PRKG1: variants seen among roughly 807,000 people sequenced by gnomAD.
PRKG1 encodes protein kinase cGMP-dependent 1, also known as cGMP-dependent protein kinase 1.
Under a neutral mutation model 88.1 loss-of-function variants are expected in PRKG1, and 35 were observed. The observed-to-expected ratio is 0.40, with a 90% CI of 0.30 to 0.53. The LOEUF (loss-of-function observed/expected upper bound fraction) is 0.53. Ranked by LOEUF, PRKG1 falls within the 20% of genes least tolerant of loss-of-function variation. PRKG1 has a pLI of 0.59. For missense variants in PRKG1, 540 were observed against 839.8 expected (o/e 0.64, Z 4.41); for synonymous variants, 303 against 292.5 (o/e 1.04, Z -0.37).
At chr10:51,854,674 A>G (rs1937706) in intron 4 of PRKG1, among the ~76,000 whole-genome samples, 2,556 of 152,272 alleles carry the variant, frequency 0.017, 51 homozygotes, top group African/African-American at 0.049. Flanking sequence ...AGCATGAATT[A>G]GTTTATATAG....
intron 5 of PRKG1, among the ~76,000 whole-genome samples, chr10:51,966,763 G>C (rs1449623936): frequency 1.3e-5 from 2 of 152,146 alleles, no homozygotes; most frequent in African/African-American, 4.8e-5. Flanking sequence ...CTCTCCTTTA[G>C]AAGCCTCTGC....
At chr10:52,008,587 C>G (rs919253194) in intron 5 of PRKG1, among the ~76,000 whole-genome samples, 1 of 152,014 alleles carries the variant, frequency 6.6e-6, no homozygotes, top group African/African-American at 2.4e-5. Context: ...GAAATTAAAT[C>G]CCTGAACAGA....
At position 51,494,447 on chromosome 10, in the gene PRKG1, A is replaced by G. The variant is rs533866247; in HGVS notation, c.592+26611A>G. 2.0e-5 allele frequency among the ~76,000 whole-genome samples: 3 copies of G among 152,364 alleles called. No homozygotes were observed. The South Asian group carries it at 6.2e-4, about 32-fold the overall frequency. On this transcript the variant is annotated intron_variant, in intron 3 of 17. Coordinates refer to ENST00000373980, the MANE Select transcript of PRKG1 (RefSeq NM_006258.4). ...TCTTTCAACAGAGAAAACTGAAAGT[A>G]GTATAAATGATAGTAGGGAAGTTTT...
chr10:51,835,145 C>A (rs1840101579), intron 4 of PRKG1, among the ~76,000 whole-genome samples: 1 of 152,142 alleles, frequency 6.6e-6, no homozygotes, highest in African/African-American at 2.4e-5. Context: ...GGGGCTTTGG[C>A]TTACAGAGAC....
At chr10:51,241,835 C>A (rs1312924269) in intron 2 of PRKG1, among the ~76,000 whole-genome samples, 2 of 151,990 alleles carry the variant, frequency 1.3e-5, no homozygotes, top group African/African-American at 2.4e-5. Context: ...ATGAAAACAC[C>A]CTTAAAAAAT....
intron 8 of PRKG1, among the ~76,000 whole-genome samples, chr10:52,141,141 T>G (rs906058998): frequency 4.6e-5 from 7 of 152,132 alleles, no homozygotes; most frequent in East Asian, 1.9e-4. Context: ...TGTTATTGAC[T>G]GGTGTGCTTC....
intron 1 of PRKG1, among the ~76,000 whole-genome samples, chr10:51,065,070 T>A (rs1843733374): frequency 6.6e-6 from 1 of 152,134 alleles, no homozygotes; most frequent in South Asian, 2.1e-4. Context: ...AGTTATTAAG[T>A]ATATTAATTG....
intron 1 of PRKG1, among the ~76,000 whole-genome samples, chr10:51,053,684 G>A (rs1843593220): frequency 6.6e-6 from 1 of 151,836 alleles, no homozygotes; most frequent in Non-Finnish European, 1.5e-5. Context: ...TAAAATCTGA[G>A]CAATTTATCG....
chr10:51,912,735 A>C (rs1842246695), intron 5 of PRKG1, among the ~76,000 whole-genome samples: 1 of 151,990 alleles, frequency 6.6e-6, no homozygotes, highest in African/African-American at 2.4e-5. Context: ...ATAAAAAATA[A>C]AGGATTTAGG....
intron 3 of PRKG1, among the ~76,000 whole-genome samples, chr10:51,469,558 G>A (rs1346007765): frequency 2.0e-5 from 3 of 151,828 alleles, no homozygotes; most frequent in African/African-American, 7.2e-5. Context: ...ATATAATGAT[G>A]TTCGTCTGCA....
At chr10:52,171,097 C>T (rs1838658199) in intron 9 of PRKG1, among the ~76,000 whole-genome samples, 1 of 146,398 alleles carries the variant, frequency 6.8e-6, no homozygotes. Context: ...AACATGCTGA[C>T]TGAAATTTGG....
intron 3 of PRKG1, among the ~76,000 whole-genome samples, chr10:51,546,691 A>C (rs1276787138): frequency 1.3e-5 from 2 of 152,014 alleles, no homozygotes; most frequent in Non-Finnish European, 2.9e-5. Flanking sequence ...ATAATGAATA[A>C]ATTTTATATT....
At chr10:51,262,298 T>C (rs1839732933) in intron 2 of PRKG1, among the ~76,000 whole-genome samples, 1 of 152,196 alleles carries the variant, frequency 6.6e-6, no homozygotes. Context: ...AAATAATGCA[T>C]AGACTGATAA....
chr10:51,653,716 A>G (rs1000921974), intron 3 of PRKG1, among the ~76,000 whole-genome samples: 10 of 151,828 alleles, frequency 6.6e-5, no homozygotes, highest in Non-Finnish European at 1.0e-4. Context: ...ACAGGCATGT[A>G]TCACCATGCC....
intron 13 of PRKG1, among the ~76,000 whole-genome samples, chr10:52,281,452 A>T (rs112593907): frequency 0.22 from 4,027 of 18,302 alleles, 157 homozygotes; most frequent in African/African-American, 0.43. Context: ...TGGATCTGTT[A>T]ACAGCTTGAT....
At chr10:51,551,763 AT>A (rs1837141803) in intron 3 of PRKG1, among the ~76,000 whole-genome samples, 1 of 151,762 alleles carries the variant, frequency 6.6e-6, no homozygotes, top group Non-Finnish European at 1.5e-5. Flanking sequence ...CATCATGGAA[AT>A]TGTTTTTCAT....
chr10:51,194,988 G>A (rs776248774), intron 2 of PRKG1, among the ~76,000 whole-genome samples: 28 of 152,144 alleles, frequency 1.8e-4, no homozygotes, highest in Non-Finnish European at 2.9e-4. Context: ...TCTTGTCACT[G>A]TTGCATTGGG....
chr10:52,230,241 T>C (rs1840489841), intron 9 of PRKG1, among the ~76,000 whole-genome samples: 1 of 152,186 alleles, frequency 6.6e-6, no homozygotes, highest in South Asian at 2.1e-4. Flanking sequence ...CAAGCAACTC[T>C]CATACCTAGA....
intron 1 of PRKG1, among the ~76,000 whole-genome samples, chr10:51,143,919 G>A (rs917724322): frequency 4.6e-5 from 7 of 151,834 alleles, no homozygotes; most frequent in Non-Finnish European, 8.8e-5. Flanking sequence ...CCATTCTATA[G>A]GTTGTGTCTT....
Sources: gnomAD v4.1 joint callset for allele counts (sites outside exome capture counted in the v4.1 genomes callset) on GRCh38, gnomAD v4.1.1 for gene constraint, MANE v1.5 for transcripts, NCBI Gene and HGNC (gene_info 2026-07-23, HGNC 2026-07-21) for gene names.